MAGI2: variants seen among roughly 807,000 people sequenced by gnomAD.
MAGI2 encodes the protein membrane-associated guanylate kinase, WW and PDZ domain-containing protein 2.
A neutral mutation model predicts 133.3 loss-of-function variants in MAGI2; 35 were observed. The ratio of observed to expected loss-of-function variants is 0.26; its 90% CI spans 0.20 to 0.35. MAGI2 has a LOEUF of 0.35. Ranked by LOEUF, MAGI2 falls within the 10% of genes least tolerant of loss-of-function variation. MAGI2 has a pLI of 1.00. For synonymous variants in MAGI2, 729 were observed against 710.6 expected, an observed-to-expected ratio of 1.03 and a Z score of -0.41; for missense variants, 1,636 against 1,863.4, an observed-to-expected ratio of 0.88 and a Z score of 2.25.
chr7:79,000,067 T>C (rs561195144), intron 2 of MAGI2: 2 of 152,300 alleles, frequency 1.3e-5, no homozygotes, highest in Non-Finnish European at 2.9e-5. Context: ...TTGCAATATG[T>C]GGGTTGAAAG....
At chr7:78,755,571 T>C (rs1452964348) in intron 2 of MAGI2, among the ~76,000 whole-genome samples, 1 of 152,054 alleles carries the variant, frequency 6.6e-6, no homozygotes, top group Non-Finnish European at 1.5e-5. Context: ...AAGGCTTGTG[T>C]ATCTACACAG....
intron 2 of MAGI2, among the ~76,000 whole-genome samples, chr7:78,661,976 C>T (rs1336498085): frequency 6.6e-6 from 1 of 152,140 alleles, no homozygotes; most frequent in African/African-American, 2.4e-5. Flanking sequence ...AGGCTACCAG[C>T]TTGGAGTAGG....
chr7:79,241,427 C>T (rs1158271891), intron 1 of MAGI2, among the ~76,000 whole-genome samples: 3 of 152,146 alleles, frequency 2.0e-5, no homozygotes, highest in African/African-American at 4.8e-5. Context: ...CTCCCTTATT[C>T]TGGGGAAGGG....
chr7:78,534,775 G>T (rs1451972647), intron 3 of MAGI2, among the ~76,000 whole-genome samples: 1 of 152,144 alleles, frequency 6.6e-6, no homozygotes, highest in Non-Finnish European at 1.5e-5. Flanking sequence ...GATAGTGGGG[G>T]AGCAAGTAGA....
At chr7:78,572,758 G>T (rs1219169151) in intron 3 of MAGI2, among the ~76,000 whole-genome samples, 2 of 151,654 alleles carry the variant, frequency 1.3e-5, no homozygotes, top group African/African-American at 4.8e-5. Flanking sequence ...CGCCTCCCAG[G>T]TTCAAGCAAT....
At chr7:79,050,431 G>T (rs961395701) in intron 1 of MAGI2, among the ~76,000 whole-genome samples, 38 of 152,116 alleles carry the variant, frequency 2.5e-4, no homozygotes, top group Admixed American at 1.2e-3. Context: ...CACCAGGGCT[G>T]TATTGCAGTG....
intron 6 of MAGI2, among the ~76,000 whole-genome samples, chr7:78,369,592 C>T (rs982228270): frequency 6.6e-6 from 1 of 152,042 alleles, no homozygotes; most frequent in Admixed American, 6.6e-5. Flanking sequence ...ACAAAGACCA[C>T]ATTTTCAAAA....
intron 2 of MAGI2, among the ~76,000 whole-genome samples, chr7:78,872,370 A>G (rs1203299744): frequency 1.3e-5 from 2 of 152,138 alleles, no homozygotes; most frequent in Non-Finnish European, 2.9e-5. Context: ...ATTGCTTAAT[A>G]TTAGGAAATA....
At chr7:78,608,202 C>A (rs1047981426) in intron 3 of MAGI2, among the ~76,000 whole-genome samples, 1 of 152,030 alleles carries the variant, frequency 6.6e-6, no homozygotes, top group African/African-American at 2.4e-5. Flanking sequence ...GGGGTAATTA[C>A]CTTTCACATC....
chr7:79,449,353 A>ATTTT (rs11439144), intron 1 of MAGI2, among the ~76,000 whole-genome samples: 9,917 of 142,748 alleles, frequency 0.069, 408 homozygotes, highest in Non-Finnish European at 0.091. Context: ...AAGAATTAGA[A>ATTTT]TTTTTTTTTT....
chr7:79,257,779 T>C (rs772063826), intron 1 of MAGI2, among the ~76,000 whole-genome samples: 5 of 152,180 alleles, frequency 3.3e-5, no homozygotes, highest in South Asian at 4.2e-4. Flanking sequence ...TGCTGGATGG[T>C]GCCTATGTCA....
chr7:79,071,157 G>T (rs1216095025), intron 1 of MAGI2, among the ~76,000 whole-genome samples: 1 of 152,188 alleles, frequency 6.6e-6, no homozygotes, highest in African/African-American at 2.4e-5. Flanking sequence ...TGTTGATGTT[G>T]CTACTATTCC....
At position 78,161,686 on chromosome 7, in the gene MAGI2, AAG is replaced by A. The variant is rs1491061584; in HGVS notation, c.2597-1415_2597-1414del. On this transcript the variant is annotated intron_variant, in intron 15 of 21. Coordinates refer to ENST00000354212, the MANE Select transcript of MAGI2 (RefSeq NM_012301.4). Reference sequence around the variant, plus strand: ...GATACCTAAAAAAAAAAAAAAAAAAAAGAAAAAAAAAAAGCTGTATTTGTTTA... The same window carrying A: ...GATACCTAAAAAAAAAAAAAAAAAAAAAAAAAAAAAAGCTGTATTTGTTTA... 1.9e-4 allele frequency among the ~76,000 whole-genome samples: 28 copies of A among 145,978 alleles called. 1 individual carries two copies. Among genetic ancestry groups the A allele is most frequent in the East Asian group, 8.7e-4 (4 of 4,574 alleles).
chr7:79,006,761 C>G (rs913521160), intron 2 of MAGI2: 10 of 196,688 alleles, frequency 5.1e-5, no homozygotes, highest in Non-Finnish European at 1.0e-4. Flanking sequence ...CTCCTGTCTC[C>G]CAATGTGGAG....
Position 79,153,451 on chromosome 7 carries a change from AC to A in MAGI2, c.302-146246del, listed in dbSNP as rs1823466668. Among the ~76,000 whole-genome samples, 3 of 152,258 alleles carry A rather than the reference AC, an allele frequency of 2.0e-5. No individual in the cohort carries two copies. The South Asian group carries it at 6.2e-4, about 32-fold the overall frequency. ...TGAGAAGTGCTTTGAAGGCAAACCTACTGGAGTCATGAAATCACATAGCAGA... is the reference window on the plus strand; with the variant it reads ...TGAGAAGTGCTTTGAAGGCAAACCTATGGAGTCATGAAATCACATAGCAGA... On this transcript the variant is annotated intron_variant, in intron 1 of 21. Transcript: ENST00000354212.
intron 7 of MAGI2, among the ~76,000 whole-genome samples, chr7:78,350,919 C>G (rs1791442731): frequency 6.6e-6 from 1 of 152,156 alleles, no homozygotes; most frequent in Non-Finnish European, 1.5e-5. Context: ...TGGAGACAGG[C>G]TCTTTTAGTG....
chr7:79,307,869 T>C (rs1194352667), intron 1 of MAGI2, among the ~76,000 whole-genome samples: 1 of 152,202 alleles, frequency 6.6e-6, no homozygotes, highest in African/African-American at 2.4e-5. Context: ...TTATTTTAAA[T>C]TGAAGATTAG....
chr7:78,297,648 C>T (rs1174340388), intron 9 of MAGI2, among the ~76,000 whole-genome samples: 1 of 151,544 alleles, frequency 6.6e-6, no homozygotes, highest in African/African-American at 2.4e-5. Context: ...ACTATGCAGC[C>T]ATAAAAAATG....
intron 2 of MAGI2, among the ~76,000 whole-genome samples, chr7:78,675,642 C>A (rs1024539357): frequency 2.0e-5 from 3 of 152,034 alleles, no homozygotes; most frequent in African/African-American, 7.2e-5. Flanking sequence ...CTGAATCTCA[C>A]CTAGAAATTC....
Sources: gnomAD v4.1 joint callset for allele counts (sites outside exome capture counted in the v4.1 genomes callset) on GRCh38, gnomAD v4.1.1 for gene constraint, MANE v1.5 for transcripts, NCBI Gene and HGNC (gene_info 2026-07-23, HGNC 2026-07-21) for gene names.